The following ZNF709 variants were observed in gnomAD, a reference collection of about 807,000 sequenced individuals.
The protein encoded by ZNF709 is zinc finger protein 709.
In ZNF709, 15 loss-of-function variants were observed where a neutral mutation model predicts 10.6. That is an observed-to-expected ratio of 1.41 (90% CI 0.95 to 2.18). The LOEUF (loss-of-function observed/expected upper bound fraction) is 2.18, where lower values mean the gene tolerates loss of function less well. Among genes scored for constraint, ZNF709 ranks in the 30% most tolerant of loss-of-function variants. The pLI is 0.00. For missense variants in ZNF709, 589 were observed against 774.0 expected (o/e 0.76, Z 2.84); for synonymous variants, 194 against 238.8 (o/e 0.81, Z 1.73).
chr19:12,471,575 C>T (rs1970634790), intron 1 of ZNF709, among the ~76,000 whole-genome samples: 1 of 152,054 alleles, frequency 6.6e-6, no homozygotes, highest in South Asian at 2.1e-4. Context: ...GATTTTCAAA[C>T]TATTAACACT....
At chr19:12,471,237 G>T (rs1372421118) in intron 1 of ZNF709, among the ~76,000 whole-genome samples, 1 of 152,066 alleles carries the variant, frequency 6.6e-6, no homozygotes, top group East Asian at 1.9e-4. Context: ...ACTAAATAAG[G>T]CTAATAAAGG....
At position 12,484,654 on chromosome 19, in the gene ZNF709, C is replaced by A; in HGVS notation, c.3+1G>T. ...CAAGACCCCCAGCCCCGCACACTTA[C>A]CATTTCCCAGACTCTGGGATGTCCT... On this transcript the variant is annotated splice_donor_variant, in intron 1 of 3. Coordinates refer to ENST00000397732, the MANE Select transcript of ZNF709 (RefSeq NM_152601.4). LOFTEE classifies it high-confidence loss of function. The A allele has an allele frequency of 1.2e-6, 2 of 1,613,978 alleles. No individual in the cohort carries two copies. Among genetic ancestry groups the A allele is most frequent in the Non-Finnish European group, 1.7e-6 (2 of 1,179,910 alleles).
chr19:12,480,407 G>A (rs1456604402), intron 1 of ZNF709, among the ~76,000 whole-genome samples: 4 of 152,192 alleles, frequency 2.6e-5, no homozygotes, highest in Non-Finnish European at 5.9e-5. Flanking sequence ...GTTCAGGCCA[G>A]GTGCAGTGGC....
chr19:12,483,368 G>A (rs1338818556), intron 1 of ZNF709, among the ~76,000 whole-genome samples: 1 of 143,440 alleles, frequency 7.0e-6, no homozygotes, highest in Non-Finnish European at 1.5e-5. Context: ...CACCTAGGCT[G>A]GTCTTGAACT....
Position 12,464,549 on chromosome 19 carries a change from C to G in ZNF709, c.1373G>C (p.Ser458Thr), listed in dbSNP as rs142653737. ...ATGCATTCGAAAGGAACTGGAACAA[C>G]TGAAGGCTTTACCACACTGTTTACA... ...YECKQCGKAFSCSSSFRMHER... is the reference protein window; with the variant it reads ...YECKQCGKAFTCSSSFRMHER... Residue 458 changes from serine to threonine, a missense_variant, in exon 4 of 4, where the codon AGT (serine) becomes ACT (threonine). This residue lies in a region of ZNF709 where 171 missense variants were observed against 277.7 expected (regional missense o/e 0.62). Coordinates refer to ENST00000397732, the MANE Select transcript of ZNF709 (RefSeq NM_152601.4). The G allele has an allele frequency of 5.9e-5, 95 of 1,612,764 alleles. No homozygotes were observed. Among genetic ancestry groups the G allele is most frequent in the Non-Finnish European group, 7.3e-5 (86 of 1,179,384 alleles).
intron 1 of ZNF709, among the ~76,000 whole-genome samples, chr19:12,470,653 G>T (rs552129997): frequency 6.6e-6 from 1 of 152,278 alleles, no homozygotes; most frequent in Non-Finnish European, 1.5e-5. Flanking sequence ...GTGTGGCTGG[G>T]TGCAGTGGCT....
chr19:12,480,122 TCTAA>T (rs1049009091), intron 1 of ZNF709, among the ~76,000 whole-genome samples: 32 of 152,036 alleles, frequency 2.1e-4, no homozygotes, highest in African/African-American at 7.0e-4. Flanking sequence ...GCCACTGTAC[TCTAA>T]CTAGGACAAC....
intron 1 of ZNF709, among the ~76,000 whole-genome samples, chr19:12,467,921 C>T (rs1048762582): frequency 5.3e-5 from 8 of 151,838 alleles, no homozygotes; most frequent in African/African-American, 1.5e-4. Flanking sequence ...CCACCCCATC[C>T]GGGAGGGAGG....
chr19:12,484,163 T>TA (rs1388890706), intron 1 of ZNF709, among the ~76,000 whole-genome samples: 1 of 152,166 alleles, frequency 6.6e-6, no homozygotes, highest in Non-Finnish European at 1.5e-5. Context: ...ATTTAGGGAT[T>TA]TAATCCCAGC....
rs1229470055 is a variant in ZNF709, at chr19:12,464,282, A to G, written c.1640T>C (p.Ile547Thr). Residue 547 changes from isoleucine to threonine, a missense_variant, in exon 4 of 4, where the codon ATT becomes ACT. Ile to Thr is a moderately conservative substitution (Grantham distance 89, BLOSUM62 -1). Coordinates refer to ENST00000397732, the MANE Select transcript of ZNF709 (RefSeq NM_152601.4). ...AGTGTGAGTCCTTTCATGTATTCGA[A>G]TGGAACTGGAACAACTAAACGCCTT... Reference protein sequence around the residue: ...CGKAFSCSSSIRIHERTHTGE... With the variant: ...CGKAFSCSSSTRIHERTHTGE... 1.9e-6 allele frequency: 3 copies of G among 1,604,010 alleles called. No homozygotes were observed. The East Asian group carries it at 6.7e-5, about 36-fold the overall frequency.
chr19:12,470,485 G>A (rs1037037135), intron 1 of ZNF709, among the ~76,000 whole-genome samples: 18 of 152,100 alleles, frequency 1.2e-4, no homozygotes, highest in African/African-American at 4.3e-4. Context: ...GTTAACCTAA[G>A]ACTACTTATC....
Position 12,463,944 on chromosome 19 carries a change from AAAAG to A in ZNF709, c.*48_*51del. On this transcript the variant is annotated 3_prime_UTR_variant, in exon 4 of 4. Coordinates refer to ENST00000397732, the MANE Select transcript of ZNF709 (RefSeq NM_152601.4). ...TTCAACTCAAAAAAAAAAAAAAAAA[AAAAG>A]GAAATAGGACAACTGAAAACTTTGC... is the stretch of plus-strand genomic sequence containing the variant. 6 of 1,328,428 alleles carry A rather than the reference AAAAG, an allele frequency of 4.5e-6. No homozygotes were observed. The highest frequency in any genetic ancestry group is 2.3e-5 in the South Asian group (1 of 42,922). 82.3% of individuals were successfully genotyped at this position (1,328,428 alleles called of 1,614,324 possible).
chr19:12,483,328 T>TTTTTTTTTA (rs1568250205), intron 1 of ZNF709, among the ~76,000 whole-genome samples: 1 of 134,690 alleles, frequency 7.4e-6, no homozygotes, highest in African/African-American at 2.7e-5. Context: ...TTTTTTTTTT[T>TTTTTTTTTA]TTTCTAGTAG....
At position 12,465,628 on chromosome 19, in the gene ZNF709, T is replaced by C. The variant is rs1167698529; in HGVS notation, c.294A>G (p.Arg98=). ...NPKPNKKTFT[R]VKPYECSVCG... is the part of the protein sequence containing the mutation. ...ACACACTACATTCATATGGTTTTAC[T>C]CTAGTAAAAGTTTTCTTGTTTGGTT... The change falls in exon 4 of 4, where the codon AGA becomes AGG. Residue 98 remains arginine (R), a synonymous_variant. Coordinates refer to ENST00000397732, the MANE Select transcript of ZNF709 (RefSeq NM_152601.4). 1 of 1,613,350 alleles carries C rather than the reference T, an allele frequency of 6.2e-7. No individual in the cohort carries two copies.
intron 1 of ZNF709, among the ~76,000 whole-genome samples, chr19:12,479,156 A>T (rs1447505312): frequency 6.6e-6 from 1 of 152,156 alleles, no homozygotes; most frequent in African/African-American, 2.4e-5. Context: ...TTTAAAAATT[A>T]GCTGGGAGTG....
chr19:12,472,120 T>TA (rs1970638733), intron 1 of ZNF709, among the ~76,000 whole-genome samples: 1 of 152,096 alleles, frequency 6.6e-6, no homozygotes, highest in Non-Finnish European at 1.5e-5. Context: ...ACCCAGGAGT[T>TA]AGAGGCTGCA....
chr19:12,471,978 G>GA (rs969224080), intron 1 of ZNF709, among the ~76,000 whole-genome samples: 1 of 151,568 alleles, frequency 6.6e-6, no homozygotes, highest in Admixed American at 6.6e-5. Flanking sequence ...CACAAAGCAG[G>GA]AAAAAAATAT....
chr19:12,477,103 G>A (rs1970683396), intron 1 of ZNF709, among the ~76,000 whole-genome samples: 1 of 152,194 alleles, frequency 6.6e-6, no homozygotes, highest in African/African-American at 2.4e-5. Flanking sequence ...TAATTTCCAT[G>A]TTGGATATTG....
chr19:12,469,039 A>G (rs1599633193), intron 1 of ZNF709, among the ~76,000 whole-genome samples: 1 of 152,116 alleles, frequency 6.6e-6, no homozygotes, highest in African/African-American at 2.4e-5. Context: ...ACGGGGTTTC[A>G]CTATGTTAGC....
Sources: gnomAD v4.1 joint callset for allele counts (sites outside exome capture counted in the v4.1 genomes callset) on GRCh38, gnomAD v4.1.1 for gene constraint, gnomAD v4.1.1 regional missense constraint, MANE v1.5 for transcripts, NCBI Gene and HGNC (gene_info 2026-07-23, HGNC 2026-07-21) for gene names.